The following ADAM12 variants were observed in gnomAD, a reference collection of about 807,000 sequenced individuals.
ADAM12 encodes the protein ADAM metallopeptidase domain 12, also known as disintegrin and metalloproteinase domain-containing protein 12.
ADAM12 carries 70 observed loss-of-function variants against 106.4 expected under a neutral mutation model. The observed-to-expected ratio is 0.66, with a 90% CI of 0.54 to 0.80. ADAM12 has a LOEUF of 0.80. ADAM12 is among the 30% of genes least tolerant of loss of function. ADAM12 has a pLI of 0.00. For missense variants in ADAM12, 1,010 were observed against 1,171.9 expected (o/e 0.86, Z 2.02); for synonymous variants, 420 against 433.5 (o/e 0.97, Z 0.39).
intron 3 of ADAM12, among the ~76,000 whole-genome samples, chr10:126,159,242 A>G (rs959140086): frequency 3.5e-5 from 5 of 141,750 alleles, no homozygotes; most frequent in Non-Finnish European, 6.1e-5. Flanking sequence ...CCTGGGAGGC[A>G]GAGCTTGCAG....
chr10:126,104,440 A>G (rs11812879), intron 8 of ADAM12, among the ~76,000 whole-genome samples: 7,149 of 148,500 alleles, frequency 0.048, 598 homozygotes, highest in African/African-American at 0.17. Flanking sequence ...ATAGAGCAAG[A>G]CTCTGTCTAA....
intron 1 of ADAM12, among the ~76,000 whole-genome samples, chr10:126,364,459 T>A (rs181972594): frequency 1.3e-5 from 2 of 152,284 alleles, no homozygotes; most frequent in African/African-American, 4.8e-5. Flanking sequence ...CAAGACATTT[T>A]AATAAACAGG....
chr10:126,110,361 T>C (rs1008314744), intron 6 of ADAM12, among the ~76,000 whole-genome samples: 1 of 152,074 alleles, frequency 6.6e-6, no homozygotes, highest in Non-Finnish European at 1.5e-5. Flanking sequence ...ACAGGAACTG[T>C]ATAATCATTT....
chr10:126,167,086 C>T (rs756781755), intron 3 of ADAM12, among the ~76,000 whole-genome samples: 24 of 152,202 alleles, frequency 1.6e-4, no homozygotes, highest in Non-Finnish European at 2.9e-4. Flanking sequence ...CAAGAGTTGG[C>T]TGTAACAGTA....
At chr10:126,142,193 G>A (rs186572192) in intron 4 of ADAM12, among the ~76,000 whole-genome samples, 2 of 152,208 alleles carry the variant, frequency 1.3e-5, no homozygotes, top group East Asian at 1.9e-4. Flanking sequence ...CTAATCCAGC[G>A]GCACTAGAGG....
chr10:126,387,758 A>C (rs1297163202), intron 1 of ADAM12, among the ~76,000 whole-genome samples: 1 of 152,144 alleles, frequency 6.6e-6, no homozygotes, highest in Non-Finnish European at 1.5e-5. Flanking sequence ...GTCAAGATAC[A>C]GAGACATCTG....
intron 2 of ADAM12, among the ~76,000 whole-genome samples, chr10:126,283,797 C>T (rs1408494582): frequency 6.6e-6 from 1 of 152,190 alleles, no homozygotes; most frequent in Non-Finnish European, 1.5e-5. Flanking sequence ...TTCTCATGAA[C>T]AGAATGCCTT....
chr10:126,144,656 G>A (rs1034803668), intron 4 of ADAM12, among the ~76,000 whole-genome samples: 8 of 152,116 alleles, frequency 5.3e-5, no homozygotes, highest in African/African-American at 1.9e-4. Flanking sequence ...GACCTATAGG[G>A]CCATTTGCAA....
intron 3 of ADAM12, among the ~76,000 whole-genome samples, chr10:126,232,350 G>A (rs760510691): frequency 6.6e-6 from 1 of 152,142 alleles, no homozygotes; most frequent in African/African-American, 2.4e-5. Flanking sequence ...AAAAGTCAAA[G>A]AAATAGGATT....
At chr10:126,059,731 C>T (rs35857520) in intron 14 of ADAM12, among the ~76,000 whole-genome samples, 19,779 of 152,238 alleles carry the variant, frequency 0.13, 1,470 homozygotes, top group Admixed American at 0.22. Flanking sequence ...AAAACTAACA[C>T]ATTTCGGGAA....
At chr10:126,020,262 C>T (rs1349743793) in intron 21 of ADAM12, among the ~76,000 whole-genome samples, 10 of 152,142 alleles carry the variant, frequency 6.6e-5, no homozygotes, top group African/African-American at 1.2e-4. Flanking sequence ...GTGGATGAGA[C>T]GGTGAGGATG....
intron 3 of ADAM12, among the ~76,000 whole-genome samples, chr10:126,203,843 C>A (rs527340837): frequency 6.0e-4 from 91 of 152,206 alleles, no homozygotes; most frequent in African/African-American, 1.9e-3. Flanking sequence ...AGTGTGGCTG[C>A]CTGTGATGGA....
chr10:126,328,449 C>G (rs1188883677), intron 2 of ADAM12, among the ~76,000 whole-genome samples: 1 of 152,194 alleles, frequency 6.6e-6, no homozygotes, highest in Non-Finnish European at 1.5e-5. Context: ...CAGATACACA[C>G]ATACACACCT....
intron 2 of ADAM12, among the ~76,000 whole-genome samples, chr10:126,297,684 TA>T (rs1186732205): frequency 1.3e-5 from 2 of 152,126 alleles, no homozygotes; most frequent in African/African-American, 4.8e-5. Flanking sequence ...AACTTCCCAC[TA>T]AAAACAACTA....
rs374902436 is a variant in ADAM12, at chr10:126,049,322, G to A, written c.1848C>T (p.His616=). 11 of 1,614,066 alleles carry A rather than the reference G, an allele frequency of 6.8e-6. No individual in the cohort carries two copies. In the African/African-American group the frequency reaches 1.1e-4, roughly 16 times the overall value. Residue 616 remains histidine, a synonymous_variant, in exon 16 of 23, where the codon CAC becomes CAT. Transcript: ENST00000448723. The surrounding 1 kb of genome is among the most constrained non-coding windows in gnomAD (Gnocchi z 4.4). ...QGGRILCRGT[H]VYLGDDMPDP... is the part of the protein sequence containing the mutation. ...CCGGCATGTCATCGCCCAAGTACAC[G>A]TGGGTCCCCCGGCACAGAATCCGGC...
intron 3 of ADAM12, among the ~76,000 whole-genome samples, chr10:126,267,759 C>T (rs982580854): frequency 2.0e-5 from 3 of 151,906 alleles, no homozygotes; most frequent in Non-Finnish European, 2.9e-5. Flanking sequence ...TATTGGGGAC[C>T]CCTAGCCTAA....
chr10:126,120,176 T>C (rs1176604483), intron 5 of ADAM12, among the ~76,000 whole-genome samples: 1 of 152,194 alleles, frequency 6.6e-6, no homozygotes, highest in African/African-American at 2.4e-5. Context: ...TACATACCTG[T>C]AGGGGCTAAG....
At chr10:126,047,158 C>T (rs1018968982) in intron 16 of ADAM12, among the ~76,000 whole-genome samples, 3 of 152,184 alleles carry the variant, frequency 2.0e-5, no homozygotes, top group African/African-American at 2.4e-5. Context: ...CCTTTATCTC[C>T]TATAAGATTT....
chr10:126,093,781 A>T (rs1040460941), intron 11 of ADAM12, among the ~76,000 whole-genome samples: 5 of 152,228 alleles, frequency 3.3e-5, no homozygotes, highest in African/African-American at 1.2e-4. Context: ...TCTTCCTTGT[A>T]CACACCATGT....
Sources: gnomAD v4.1 joint callset for allele counts (sites outside exome capture counted in the v4.1 genomes callset) on GRCh38, gnomAD v4.1.1 for gene constraint, Gnocchi (gnomAD v3.1) non-coding constraint, MANE v1.5 for transcripts, NCBI Gene and HGNC (gene_info 2026-07-23, HGNC 2026-07-21) for gene names.